HDAC9: variants seen among roughly 807,000 people sequenced by gnomAD.
HDAC9 encodes MEF-2 interacting transcription repressor (MITR) protein.
In HDAC9, 41 loss-of-function variants were observed where a neutral mutation model predicts 139.4. That is an observed-to-expected ratio of 0.29 (90% CI 0.23 to 0.38). The LOEUF (loss-of-function observed/expected upper bound fraction) is 0.38, where lower values mean the gene tolerates loss of function less well. Ranked by LOEUF, HDAC9 falls within the 10% of genes least tolerant of loss-of-function variation. HDAC9 has a pLI of 1.00. For synonymous variants in HDAC9, 517 were observed against 476.2 expected (o/e 1.09, Z -1.12); for missense variants, 1,147 against 1,297.0 (o/e 0.88, Z 1.78).
intron 6 of HDAC9, among the ~76,000 whole-genome samples, chr7:18,595,943 C>T (rs1832352477): frequency 1.3e-5 from 2 of 152,022 alleles, no homozygotes; most frequent in Non-Finnish European, 2.9e-5. Context: ...AGATTTTTTT[C>T]AATCCACAAC....
intron 17 of HDAC9, among the ~76,000 whole-genome samples, chr7:18,797,152 C>G (rs918244435): frequency 5.9e-5 from 9 of 152,008 alleles, no homozygotes; most frequent in Non-Finnish European, 8.8e-5. Flanking sequence ...GATACTGGCT[C>G]AAAGACATTA....
intron 24 of HDAC9, among the ~76,000 whole-genome samples, chr7:18,972,911 T>C (rs147123576): frequency 2.0e-5 from 3 of 152,356 alleles, no homozygotes; most frequent in African/African-American, 7.2e-5. Flanking sequence ...TAATGTATCA[T>C]TTCCAAAGAT....
chr7:18,692,207 T>C (rs547223566), intron 12 of HDAC9, among the ~76,000 whole-genome samples: 1 of 152,086 alleles, frequency 6.6e-6, no homozygotes, highest in Non-Finnish European at 1.5e-5. Flanking sequence ...GAGAAAACTT[T>C]CCAAATTGTG....
In HDAC9 at chr7:18,805,979, T is replaced by A. The variant is rs116271106; in HGVS notation, c.2322+12527T>A. Among the ~76,000 whole-genome samples the A allele has an allele frequency of 9.6e-3, 1,465 of 152,294 alleles. 16 individuals carry two copies. The highest frequency in any genetic ancestry group is 0.026 in the African/African-American group (1,076 of 41,566). ...ACACATCACATTTGCCCACTGCTGG[T>A]CCCTGATCCTGTGGGTCAGCTGAGG... On this transcript the variant is annotated intron_variant, in intron 17 of 25. Transcript: ENST00000686413.
chr7:18,723,901 A>G lies in HDAC9; in HGVS notation c.1732-3679A>G, dbSNP rs1010122109. Among the ~76,000 whole-genome samples the G allele has an allele frequency of 2.0e-5, 3 of 152,186 alleles. No homozygotes were observed. In the East Asian group the frequency reaches 5.8e-4, roughly 29 times the overall value. On this transcript the variant is annotated intron_variant, in intron 12 of 25. Transcript: ENST00000686413. ...TTTCTTAATGCACAGACAAAATAAT[A>G]TGGCTTCTAGAAAGTATGAGAAAAT...
At chr7:18,786,630 CTT>C (rs1585035764) in intron 16 of HDAC9, among the ~76,000 whole-genome samples, 2 of 113,158 alleles carry the variant, frequency 1.8e-5, no homozygotes, top group Admixed American at 1.7e-4. Flanking sequence ...TCCCTCCCTC[CTT>C]CCTTCCTTTC....
At chr7:18,509,365 C>A (rs1586482454) in intron 2 of HDAC9, 1 of 985,438 alleles carries the variant, frequency 1.0e-6, no homozygotes, top group East Asian at 1.1e-4. Flanking sequence ...CTACGATTTT[C>A]TCTAGCCTCA....
chr7:18,206,785 G>C (rs1791541151), intron 2 of HDAC9, among the ~76,000 whole-genome samples: 1 of 152,144 alleles, frequency 6.6e-6, no homozygotes, highest in Non-Finnish European at 1.5e-5. Context: ...CTGAAATTTT[G>C]TTGGTAATCC....
intron 23 of HDAC9, among the ~76,000 whole-genome samples, chr7:18,948,710 G>C (rs1782577623): frequency 6.6e-6 from 1 of 152,050 alleles, no homozygotes; most frequent in Non-Finnish European, 1.5e-5. Flanking sequence ...CAAGCAAAGG[G>C]TGGAGTTCCA....
intron 25 of HDAC9, among the ~76,000 whole-genome samples, chr7:18,990,278 C>G (rs1371823520): frequency 6.6e-6 from 1 of 152,186 alleles, no homozygotes; most frequent in Non-Finnish European, 1.5e-5. Flanking sequence ...ACAGGACCCT[C>G]AGCTGCAGGT....
At chr7:18,816,277 G>A (rs913209344) in intron 17 of HDAC9, among the ~76,000 whole-genome samples, 17 of 152,130 alleles carry the variant, frequency 1.1e-4, no homozygotes, top group African/African-American at 4.1e-4. Context: ...TTGAAGTTAG[G>A]AAGGAAGCAT....
intron 12 of HDAC9, among the ~76,000 whole-genome samples, chr7:18,689,109 C>A (rs1429482251): frequency 6.6e-6 from 1 of 151,928 alleles, no homozygotes; most frequent in African/African-American, 2.4e-5. Context: ...TGAAAAATAA[C>A]TTACAAACAT....
At chr7:18,168,558 CTGTG>C (rs1298114039) in intron 2 of HDAC9, among the ~76,000 whole-genome samples, 1 of 151,850 alleles carries the variant, frequency 6.6e-6, no homozygotes, top group Non-Finnish European at 1.5e-5. Context: ...TACAAAAACT[CTGTG>C]TGTGTGTCTG....
chr7:18,225,001 T>A (rs1792958101), intron 2 of HDAC9, among the ~76,000 whole-genome samples: 1 of 152,114 alleles, frequency 6.6e-6, no homozygotes. Context: ...AATGGACTGA[T>A]ACTTACAGGC....
At chr7:18,106,057 G>A (rs1179349685) in intron 1 of HDAC9, among the ~76,000 whole-genome samples, 4 of 152,194 alleles carry the variant, frequency 2.6e-5, no homozygotes, top group Admixed American at 2.6e-4. Context: ...GAGGCAAAGG[G>A]AAGGGGGAAT....
chr7:18,951,765 ATTAG>A (rs1585393320), intron 23 of HDAC9, among the ~76,000 whole-genome samples: 2 of 151,808 alleles, frequency 1.3e-5, no homozygotes, highest in South Asian at 4.1e-4. Flanking sequence ...ATATTATTTT[ATTAG>A]TTATTAAATT....
At chr7:18,499,729 A>G (rs965336709) in intron 2 of HDAC9, among the ~76,000 whole-genome samples, 3 of 152,222 alleles carry the variant, frequency 2.0e-5, no homozygotes, top group African/African-American at 7.2e-5. Flanking sequence ...AGATATATTT[A>G]CAATAAGGAA....
chr7:18,307,788 GTGAGACTC>G (rs2128621134), intron 1 of HDAC9, among the ~76,000 whole-genome samples: 1 of 152,256 alleles, frequency 6.6e-6, no homozygotes, highest in African/African-American at 2.4e-5. Context: ...GGGTGACAGA[GTGAGACTC>G]TGTCCCAAAT....
intron 2 of HDAC9, among the ~76,000 whole-genome samples, chr7:18,271,056 G>A (rs911590840): frequency 2.0e-5 from 3 of 152,132 alleles, no homozygotes; most frequent in Non-Finnish European, 4.4e-5. Context: ...TTCTTAAAAG[G>A]TAGAAGAAAT....
Sources: allele counts gnomAD v4.1 joint callset (sites outside exome capture counted in the v4.1 genomes callset), GRCh38; gene constraint gnomAD v4.1.1; transcripts MANE v1.5; gene names NCBI Gene and HGNC (gene_info 2026-07-23, HGNC 2026-07-21).